The following WWOX variants were observed in gnomAD, a reference collection of about 807,000 sequenced individuals.
WWOX encodes WW domain containing oxidoreductase.
A neutral mutation model predicts 46.2 loss-of-function variants in WWOX; 69 were observed. The ratio of observed to expected loss-of-function variants is 1.49; its 90% CI spans 1.23 to 1.82. The LOEUF (loss-of-function observed/expected upper bound fraction) is 1.82, where lower values mean the gene tolerates loss of function less well. WWOX is among the 40% of genes most tolerant of loss of function. The pLI is 0.00. For synonymous variants in WWOX, 359 were observed against 202.6 expected, an observed-to-expected ratio of 1.77 and a Z score of -6.56; for missense variants, 919 against 542.6, an observed-to-expected ratio of 1.69 and a Z score of -6.89.
chr16:78,768,955 A>C (rs914461179), intron 8 of WWOX, among the ~76,000 whole-genome samples: 4 of 152,176 alleles, frequency 2.6e-5, no homozygotes. Context: ...TGTTTTGAGC[A>C]TCAGAATAAA....
chr16:78,758,843 C>CT (rs1417960248), intron 8 of WWOX, among the ~76,000 whole-genome samples: 1 of 151,438 alleles, frequency 6.6e-6, no homozygotes, highest in Non-Finnish European at 1.5e-5. Flanking sequence ...ATTTGTATCA[C>CT]TAACCATTTG....
chr16:78,644,353 C>T (rs2046791705), intron 8 of WWOX, among the ~76,000 whole-genome samples: 2 of 152,162 alleles, frequency 1.3e-5, no homozygotes, highest in Admixed American at 6.5e-5. Context: ...CACCTCCCTC[C>T]TCTATGCAAA....
At chr16:78,311,822 A>G (rs973269312) in intron 5 of WWOX, among the ~76,000 whole-genome samples, 4 of 152,232 alleles carry the variant, frequency 2.6e-5, no homozygotes, top group Admixed American at 1.3e-4. Flanking sequence ...TGGCTGCCAT[A>G]ACAAAGTTCT....
At chr16:78,631,971 C>G (rs932205775) in intron 8 of WWOX, among the ~76,000 whole-genome samples, 3 of 150,944 alleles carry the variant, frequency 2.0e-5, no homozygotes, top group Non-Finnish European at 4.4e-5. Flanking sequence ...TTTTTTAAGT[C>G]TGCTTACTCG....
intron 8 of WWOX, among the ~76,000 whole-genome samples, chr16:78,957,383 C>G (rs2046188796): frequency 6.6e-6 from 1 of 152,200 alleles, no homozygotes. Flanking sequence ...TTCCCCCTGT[C>G]TCTCTTTAGT....
intron 8 of WWOX, among the ~76,000 whole-genome samples, chr16:79,053,994 GA>G (rs35728336): frequency 1.3e-4 from 20 of 149,866 alleles, no homozygotes; most frequent in African/African-American, 3.7e-4. Context: ...AGGAGAGAGG[GA>G]AAAAAAAAAT....
At chr16:78,867,696 A>G (rs1406453463) in intron 8 of WWOX, among the ~76,000 whole-genome samples, 2 of 152,096 alleles carry the variant, frequency 1.3e-5, no homozygotes, top group East Asian at 3.9e-4. Context: ...GCCTGCCACC[A>G]TGCCTGGCTA....
intron 8 of WWOX, among the ~76,000 whole-genome samples, chr16:79,192,300 G>GATTCATTC (rs3032258): frequency 7.1e-4 from 108 of 151,226 alleles, no homozygotes; most frequent in African/African-American, 2.3e-3. Context: ...TTTTCGCAGT[G>GATTCATTC]ATTCATTCAT....
At chr16:78,375,900 C>G (rs1169015708) in intron 5 of WWOX, among the ~76,000 whole-genome samples, 1 of 149,088 alleles carries the variant, frequency 6.7e-6, no homozygotes, top group Non-Finnish European at 1.5e-5. Flanking sequence ...TGCCCAGGCT[C>G]GAGTGCAGTG....
At chr16:78,357,117 A>T (rs781652883) in intron 5 of WWOX, among the ~76,000 whole-genome samples, 40 of 152,244 alleles carry the variant, frequency 2.6e-4, no homozygotes, top group Non-Finnish European at 4.3e-4. Context: ...TTCCTTTCTC[A>T]GAGCCTTCGT....
intron 5 of WWOX, among the ~76,000 whole-genome samples, chr16:78,205,886 A>G (rs2036377577): frequency 1.5e-5 from 2 of 132,196 alleles, no homozygotes; most frequent in African/African-American, 5.8e-5. Flanking sequence ...CCTTCCTCCC[A>G]TCCTCCCTTC....
At chr16:78,771,692 A>G (rs2050068023) in intron 8 of WWOX, among the ~76,000 whole-genome samples, 1 of 152,094 alleles carries the variant, frequency 6.6e-6, no homozygotes, top group Non-Finnish European at 1.5e-5. Context: ...GAATTGCTTG[A>G]GCCTAGGAGG....
chr16:78,239,215 C>T (rs766627164), intron 5 of WWOX, among the ~76,000 whole-genome samples: 3 of 152,214 alleles, frequency 2.0e-5, no homozygotes, highest in Non-Finnish European at 4.4e-5. Flanking sequence ...GGCCCAGTGA[C>T]ACTGTAATGT....
At chr16:78,452,210 A>G (rs993091952) in intron 8 of WWOX, among the ~76,000 whole-genome samples, 3 of 152,192 alleles carry the variant, frequency 2.0e-5, no homozygotes, top group East Asian at 1.9e-4. Context: ...TATTTCTTGG[A>G]TTGTCCGCAC....
chr16:78,337,764 A>ATTAT (rs1408390723), intron 5 of WWOX, among the ~76,000 whole-genome samples: 2 of 56,080 alleles, frequency 3.6e-5, no homozygotes, highest in African/African-American at 1.0e-4. Flanking sequence ...GTACTCCAAG[A>ATTAT]TGCCTCCAGC....
At chr16:79,111,310 T>C (rs1294767549) in intron 8 of WWOX, among the ~76,000 whole-genome samples, 1 of 152,246 alleles carries the variant, frequency 6.6e-6, no homozygotes, top group African/African-American at 2.4e-5. Flanking sequence ...TTCTCTGTCA[T>C]GTTTAATTTT....
chr16:78,159,893 A>G (rs973896721), intron 4 of WWOX, among the ~76,000 whole-genome samples: 1 of 151,814 alleles, frequency 6.6e-6, no homozygotes, highest in Admixed American at 6.6e-5. Flanking sequence ...TATGTGGCAT[A>G]ATGTTGTCCT....
intron 5 of WWOX, among the ~76,000 whole-genome samples, chr16:78,352,774 T>A (rs1470418870): frequency 6.9e-6 from 1 of 144,502 alleles, no homozygotes; most frequent in African/African-American, 2.6e-5. Context: ...ATGTATATGC[T>A]TCTTAAAGAA....
chr16:79,035,767 G>T (rs1441218546), intron 8 of WWOX, among the ~76,000 whole-genome samples: 2 of 151,286 alleles, frequency 1.3e-5, no homozygotes, highest in African/African-American at 4.9e-5. Flanking sequence ...TCAAACTCCT[G>T]ATCTCAGGTG....
Sources: gnomAD v4.1 joint callset for allele counts (sites outside exome capture counted in the v4.1 genomes callset) on GRCh38, gnomAD v4.1.1 for gene constraint, MANE v1.5 for transcripts, NCBI Gene and HGNC (gene_info 2026-07-23, HGNC 2026-07-21) for gene names.